The following DIP2A variants were observed in gnomAD, a reference collection of about 807,000 sequenced individuals.
DIP2A encodes disco-interacting protein 2 homolog A.
DIP2A carries 85 observed loss-of-function variants against 177.4 expected under a neutral mutation model. The observed-to-expected ratio is 0.48, with a 90% confidence interval of 0.40 to 0.57. The LOEUF is 0.57. Ranked by LOEUF, DIP2A falls within the 20% of genes least tolerant of loss-of-function variation. The pLI is 0.00. For synonymous variants in DIP2A, 886 were observed against 881.8 expected, an observed-to-expected ratio of 1.00 and a Z score of -0.08; for missense variants, 1,791 against 2,100.2, an observed-to-expected ratio of 0.85 and a Z score of 2.88.
chr21:46,487,613 C>T (rs1462003067), intron 2 of DIP2A, among the ~76,000 whole-genome samples: 1 of 152,114 alleles, frequency 6.6e-6, no homozygotes, highest in African/African-American at 2.4e-5. Context: ...GCTCATGTAA[C>T]TATTAGTAAG....
chr21:46,500,933 A>G (rs1284803587), intron 5 of DIP2A, among the ~76,000 whole-genome samples: 1 of 152,248 alleles, frequency 6.6e-6, no homozygotes, highest in Non-Finnish European at 1.5e-5. Context: ...TAGTCCTAGC[A>G]TCAACATTTT....
chr21:46,578,647 T>C, the DIP2A span, among the ~76,000 whole-genome samples: 2 of 152,208 alleles, frequency 1.3e-5, no homozygotes, highest in African/African-American at 4.8e-5. Context: ...ATCCAGTTTA[T>C]TGAAAGTATT....
chr21:46,493,255 G>A (rs1452060453), intron 3 of DIP2A, among the ~76,000 whole-genome samples: 1 of 152,152 alleles, frequency 6.6e-6, no homozygotes, highest in African/African-American at 2.4e-5. Context: ...TTTTGGATCT[G>A]TTGATATACC....
intron 37 of DIP2A, among the ~76,000 whole-genome samples, chr21:46,566,986 C>T (rs928872484): frequency 2.0e-5 from 3 of 152,186 alleles, no homozygotes; most frequent in Non-Finnish European, 4.4e-5. Context: ...TTATCTGTTT[C>T]CTTATCAGTG....
intron 1 of DIP2A, among the ~76,000 whole-genome samples, chr21:46,472,081 A>T (rs1321372107): frequency 6.6e-6 from 1 of 152,206 alleles, no homozygotes; most frequent in Non-Finnish European, 1.5e-5. Context: ...ACTGGACCTT[A>T]AGGAGATATT....
At chr21:46,508,353 CTTTTT>C (rs571637777) in intron 6 of DIP2A, among the ~76,000 whole-genome samples, 2 of 90,484 alleles carry the variant, frequency 2.2e-5, no homozygotes, top group African/African-American at 8.8e-5. Flanking sequence ...TGGCCAATGA[CTTTTT>C]TTTTTTTTTT....
chr21:46,517,807 G>A (rs767850079), intron 8 of DIP2A, among the ~76,000 whole-genome samples: 10 of 152,230 alleles, frequency 6.6e-5, no homozygotes, highest in Non-Finnish European at 1.2e-4. Context: ...GCTCCAGGTG[G>A]ATACTCAGCC....
At chr21:46,549,919 A>G (rs576956811) in intron 22 of DIP2A, 34 bp downstream of exon 22, 2 of 1,605,648 alleles carry the variant, frequency 1.2e-6, no homozygotes, top group Non-Finnish European at 1.7e-6. Flanking sequence ...GGTTCGGTGA[A>G]TCTCCCAAGC....
chr21:46,482,521 G>C (rs188554696), intron 1 of DIP2A, among the ~76,000 whole-genome samples: 2 of 152,280 alleles, frequency 1.3e-5, no homozygotes, highest in East Asian at 3.8e-4. Context: ...TGTATTTACT[G>C]TACAATTTAT....
intron 35 of DIP2A, among the ~76,000 whole-genome samples, chr21:46,564,948 A>C (rs11911029): frequency 2.0e-5 from 3 of 152,156 alleles, no homozygotes; most frequent in Non-Finnish European, 4.4e-5. Context: ...TGAGCCAGGC[A>C]TGGTGACCCA....
At chr21:46,531,599 G>T (rs1196519779) in intron 9 of DIP2A, among the ~76,000 whole-genome samples, 1 of 152,196 alleles carries the variant, frequency 6.6e-6, no homozygotes, top group East Asian at 1.9e-4. Context: ...AATCTCTTTG[G>T]TTAGGTGAAT....
chr21:46,495,244 T>TTTCTCTTCTTTCTCTCTCTCTC (rs2057274286), intron 3 of DIP2A, among the ~76,000 whole-genome samples: 2 of 38,176 alleles, frequency 5.2e-5, no homozygotes, highest in Non-Finnish European at 9.8e-5. Flanking sequence ...CTTCTCTTCT[T>TTTCTCTTCTTTCTCTCTCTCTC]TCTCTCTCTC....
At chr21:46,523,367 T>C (rs1169175577) in intron 8 of DIP2A, among the ~76,000 whole-genome samples, 3 of 150,796 alleles carry the variant, frequency 2.0e-5, no homozygotes, top group Non-Finnish European at 4.4e-5. Context: ...CCTGAGTAGC[T>C]AGGATTACAG....
At chr21:46,473,304 G>GA (rs61103578) in intron 1 of DIP2A, among the ~76,000 whole-genome samples, 4 of 150,840 alleles carry the variant, frequency 2.7e-5, no homozygotes, top group Admixed American at 2.6e-4. Flanking sequence ...TCTCTACAAA[G>GA]AAAAAAAAAT....
chr21:46,525,002 C>T (rs2059011616), intron 8 of DIP2A, among the ~76,000 whole-genome samples: 1 of 147,042 alleles, frequency 6.8e-6, no homozygotes, highest in African/African-American at 2.5e-5. Flanking sequence ...TATTACGCAT[C>T]AGCCTCCCAA....
chr21:46,502,926 A>G (rs976198972), intron 5 of DIP2A, among the ~76,000 whole-genome samples: 10 of 152,206 alleles, frequency 6.6e-5, no homozygotes, highest in Non-Finnish European at 1.3e-4. Context: ...TGTACCATGG[A>G]AATAAAACAC....
intron 5 of DIP2A, among the ~76,000 whole-genome samples, chr21:46,503,048 C>T (rs935811661): frequency 3.9e-5 from 6 of 151,952 alleles, no homozygotes; most frequent in African/African-American, 7.3e-5. Flanking sequence ...TGTGGCCAGG[C>T]GCGGTGGATC....
intron 32 of DIP2A, among the ~76,000 whole-genome samples, chr21:46,559,795 C>A (rs1337251100): frequency 6.6e-6 from 1 of 152,202 alleles, no homozygotes; most frequent in Non-Finnish European, 1.5e-5. Flanking sequence ...TGGCTGTCTC[C>A]TCCCTGTCTC....
chr21:46,528,527 CTTTTTTTTTTTTTTTTTTT>C lies in DIP2A; in HGVS notation c.1103-542_1103-524del, dbSNP rs1162872343. Among the ~76,000 whole-genome samples the C allele has an allele frequency of 7.6e-3, 224 of 29,410 alleles. 6 individuals are homozygous for C. The East Asian group carries it at 0.081, about 11-fold the overall frequency. 19.3% of individuals were successfully genotyped at this position (29,410 alleles called of 152,430 possible). A position where few individuals can be genotyped will look rare whatever the true frequency, so the allele number is the denominator to read the frequency against. The stretch of plus-strand genomic sequence containing the variant: ...ACCAAATACTGACTTTTTCTGCTTG[CTTTTTTTTTTTTTTTTTTT>C]TTTTTTTTTTTTTTTTTTTTTTAGA... On this transcript the variant is annotated intron_variant, in intron 8 of 37. Coordinates refer to ENST00000417564, the MANE Select transcript of DIP2A (RefSeq NM_015151.4).
Sources: allele counts gnomAD v4.1 joint callset (sites outside exome capture counted in the v4.1 genomes callset), GRCh38; gene constraint gnomAD v4.1.1; transcripts MANE v1.5; gene names NCBI Gene and HGNC (gene_info 2026-07-23, HGNC 2026-07-21).